ZNF260: variants seen among roughly 807,000 people sequenced by gnomAD.
ZNF260 encodes the protein zinc finger protein 260, also known as zfp-260.
A neutral mutation model predicts 29.3 loss-of-function variants in ZNF260; 21 were observed. That is an observed-to-expected ratio of 0.72 (90% CI 0.51 to 1.03). The LOEUF (loss-of-function observed/expected upper bound fraction) is 1.03. Among genes scored for constraint, ZNF260 ranks in the 50% least tolerant of loss-of-function variants. The pLI, the probability that ZNF260 is intolerant of heterozygous loss-of-function variation, is 0.00. For synonymous variants in ZNF260, 156 were observed against 156.8 expected (o/e 0.99, Z 0.04); for missense variants, 465 against 487.8 (o/e 0.95, Z 0.44).
chr19:36,523,779 T>G (rs1407065074), intron 2 of ZNF260, among the ~76,000 whole-genome samples: 1 of 151,956 alleles, frequency 6.6e-6, no homozygotes, highest in Non-Finnish European at 1.5e-5. Context: ...GGTTTCACCA[T>G]GTTGGTCAGG....
rs1202020180 is a variant in ZNF260 at position 36,512,876 on chromosome 19, C to T, written c.*1124G>A. On this transcript the variant is annotated 3_prime_UTR_variant, in exon 3 of 3. Coordinates refer to ENST00000523638, the MANE Select transcript of ZNF260 (RefSeq NM_001166037.2). ...TGAACTATACAGCTATAGACCAGTA[C>T]ATGACTCCCTGTGTTCATGTTTCTT... The T allele has an allele frequency of 1.3e-5, 2 of 152,146 alleles. No homozygotes were observed. The highest frequency in any genetic ancestry group is 6.5e-5 in the Admixed American group (1 of 15,268). The allele number at this position is 152,146 out of a possible 1,614,324, so 9.4% of individuals were successfully genotyped here.
In ZNF260 at chr19:36,528,231, A is replaced by C. The variant is rs1007227211; in HGVS notation, c.-693T>G. ...AAACCCAACTCACCGGCAGACAAAG[A>C]CGACCATGGCAAGTCGGAGATTCCG... On this transcript the variant is annotated 5_prime_UTR_variant, in exon 1 of 3. Coordinates refer to ENST00000523638, the MANE Select transcript of ZNF260 (RefSeq NM_001166037.2). 1.9e-5 allele frequency: 2 copies of C among 108,066 alleles called. No homozygotes were observed. The highest frequency in any genetic ancestry group is 3.1e-5 in the African/African-American group (1 of 32,620). 6.7% of individuals were successfully genotyped at this position (108,066 alleles called of 1,614,324 possible).
rs568147196 is a variant in ZNF260 at position 36,517,794 on chromosome 19, T to C, written c.-461-2095A>G. ...AGAGTCCGAGAATGCTGGTGGTTAC[T>C]AGCTGTCAGATGATGGAAGAATTAT... On this transcript the variant is annotated intron_variant, in intron 2 of 2. Coordinates refer to ENST00000523638, the MANE Select transcript of ZNF260 (RefSeq NM_001166037.2). Among the ~76,000 whole-genome samples, 49 of 152,218 alleles carry C rather than the reference T, an allele frequency of 3.2e-4. 2 individuals are homozygous for C. In the South Asian group the frequency reaches 3.9e-3, roughly 12 times the overall value.
At position 36,511,891 on chromosome 19, in the gene ZNF260, TA is replaced by T. The variant is rs2034457928; in HGVS notation, c.*2108del. ...AAAAGTGAAGCTGAAATCCAGGAGTTAATGTTTTCCTCAATGGCTTATAAAA... is the reference window on the plus strand; with the variant it reads ...AAAAGTGAAGCTGAAATCCAGGAGTTATGTTTTCCTCAATGGCTTATAAAA... On this transcript the variant is annotated 3_prime_UTR_variant, in exon 3 of 3. Transcript: ENST00000523638. 1 of 152,182 alleles carries T rather than the reference TA, an allele frequency of 6.6e-6. No individual in the cohort carries two copies. Among genetic ancestry groups the T allele is most frequent in the Non-Finnish European group, 1.5e-5 (1 of 68,046 alleles). The allele number at this position is 152,182 out of a possible 1,614,324, so 9.4% of individuals were successfully genotyped here.
chr19:36,523,813 T>C (rs997682635), intron 2 of ZNF260, among the ~76,000 whole-genome samples: 1 of 152,108 alleles, frequency 6.6e-6, no homozygotes, highest in Non-Finnish European at 1.5e-5. Flanking sequence ...CCTGACCTCA[T>C]GATCCACCTG....
intron 2 of ZNF260, among the ~76,000 whole-genome samples, chr19:36,523,641 G>C (rs1299980275): frequency 6.8e-6 from 1 of 146,278 alleles, no homozygotes; most frequent in African/African-American, 2.5e-5. Flanking sequence ...GCAGTGGCAT[G>C]ATCTCGGCTC....
intron 2 of ZNF260, among the ~76,000 whole-genome samples, chr19:36,517,789 G>A (rs767035471): frequency 1.3e-4 from 20 of 152,036 alleles, no homozygotes; most frequent in Non-Finnish European, 2.5e-4. Flanking sequence ...AATGCTGGTG[G>A]TTACTAGCTG....
rs2034485642 is a variant in ZNF260 at position 36,513,490 on chromosome 19, C to T, written c.*510G>A. 1 of 361,744 alleles carries T rather than the reference C, an allele frequency of 2.8e-6. No homozygotes were observed. Among genetic ancestry groups the T allele is most frequent in the South Asian group, 1.5e-4 (1 of 6,766 alleles). 22.4% of individuals were successfully genotyped at this position (361,744 alleles called of 1,614,324 possible). On this transcript the variant is annotated 3_prime_UTR_variant, in exon 3 of 3. Transcript: ENST00000523638. Reference sequence around the variant, plus strand: ...AGTAATCCATGATTTCCCCACCAATCTGGGATACCGCCTCTATCAATTACC... The same window carrying T: ...AGTAATCCATGATTTCCCCACCAATTTGGGATACCGCCTCTATCAATTACC...
At chr19:36,527,154 T>C (rs1600219891) in intron 1 of ZNF260, among the ~76,000 whole-genome samples, 1 of 152,166 alleles carries the variant, frequency 6.6e-6, no homozygotes, top group African/African-American at 2.4e-5. Flanking sequence ...TTATTAGTCA[T>C]CTGTATTAGA....
rs866047031 is a variant in ZNF260, at chr19:36,514,157, C to T, written c.1082G>A (p.Gly361Asp). The change falls in exon 3 of 3, where the codon GGT (glycine) becomes GAT (aspartate). Residue 361 changes from glycine to aspartate, a missense_variant. Transcript: ENST00000523638. ...MRSHTGEKPY[G>D]CNECGKAFSQ... is the part of the protein sequence containing the mutation. ...AAAGGCTTTCCCACATTCATTACAA[C>T]CATAGGGTTTCTCACCTGTATGGCT... The T allele has an allele frequency of 6.2e-7, 1 of 1,613,796 alleles. No homozygotes were observed. Among genetic ancestry groups the T allele is most frequent in the Admixed American group, 1.7e-5 (1 of 60,000 alleles).
Position 36,524,517 on chromosome 19 carries a change from GT to G in ZNF260, c.-462+637del, listed in dbSNP as rs61184857. ...TTTAAAGAAAATAACTTACATGCTAGTTTTTTTTTTTTTTTTTATTGATCAT... is the reference window on the plus strand; with the variant it reads ...TTTAAAGAAAATAACTTACATGCTAGTTTTTTTTTTTTTTTTATTGATCAT... On this transcript the variant is annotated intron_variant, in intron 2 of 2. Coordinates refer to ENST00000523638, the MANE Select transcript of ZNF260 (RefSeq NM_001166037.2). 1.7e-3 allele frequency among the ~76,000 whole-genome samples: 159 copies of G among 90,964 alleles called. 4 individuals are homozygous for G. Among genetic ancestry groups the G allele is most frequent in the East Asian group, 0.011 (49 of 4,374 alleles). The allele number at this position is 90,964 out of a possible 152,430, so 59.7% of individuals were successfully genotyped here. A position where few individuals can be genotyped will look rare whatever the true frequency, so the allele number is the denominator to read the frequency against.
rs957170709 is a variant in ZNF260, at chr19:36,513,342, G to A, written c.*658C>T. The A allele has an allele frequency of 1.0e-4, 16 of 155,678 alleles. No homozygotes were observed. Among genetic ancestry groups the A allele is most frequent in the African/African-American group, 3.6e-4 (15 of 41,572 alleles). 9.6% of individuals were successfully genotyped at this position (155,678 alleles called of 1,614,324 possible). On this transcript the variant is annotated 3_prime_UTR_variant, in exon 3 of 3. Transcript: ENST00000523638. Reference sequence around the variant, plus strand: ...TTTAAAAACATCTTCTTATAAAACTGTTATATTATTAAGTATTGCTTTTTG... The same window carrying A: ...TTTAAAAACATCTTCTTATAAAACTATTATATTATTAAGTATTGCTTTTTG...
chr19:36,526,265 G>T (rs1348622758), intron 1 of ZNF260, among the ~76,000 whole-genome samples: 1 of 152,146 alleles, frequency 6.6e-6, no homozygotes, highest in Non-Finnish European at 1.5e-5. Context: ...ATAAAGCCAG[G>T]CATGGTGGCT....
In ZNF260 at chr19:36,514,088, C is replaced by G. The variant is rs144667068; in HGVS notation, c.1151G>C (p.Gly384Ala). The change falls in exon 3 of 3, where the codon GGT becomes GCT. Residue 384 changes from glycine (G) to alanine (A), a missense_variant. Coordinates refer to ENST00000523638, the MANE Select transcript of ZNF260 (RefSeq NM_001166037.2). ...TLALHMRIHT[G>A]EKPYQCSECG... The stretch of plus-strand genomic sequence containing the variant: ...TTCACTACACTGATAAGGTTTTTCA[C>G]CAGTATGGATTCTCATGTGCAGAGC... 6 of 1,613,930 alleles carry G rather than the reference C, an allele frequency of 3.7e-6. No homozygotes were observed. The highest frequency in any genetic ancestry group is 3.3e-4 in the Middle Eastern group (2 of 6,084).
At position 36,514,205 on chromosome 19, in the gene ZNF260, G is replaced by A. The variant is rs1242106371; in HGVS notation, c.1034C>T (p.Ser345Leu). 4 of 1,613,990 alleles carry A rather than the reference G, an allele frequency of 2.5e-6. No individual in the cohort carries two copies. Among genetic ancestry groups the A allele is most frequent in the African/African-American group, 2.7e-5 (2 of 74,910 alleles). ...GCTTCTCATATGCACAGTAAGAGATGAGCTTTGACAGAAGGCTTTCCCACA... is the reference window on the plus strand; with the variant it reads ...GCTTCTCATATGCACAGTAAGAGATAAGCTTTGACAGAAGGCTTTCCCACA... ...KVCGKAFCQS[S>L]SLTVHMRSHT... Residue 345 changes from serine to leucine, a missense_variant, in exon 3 of 3, where the codon TCA (serine) becomes TTA (leucine). Physicochemically the swap from Ser to Leu is moderately radical, Grantham distance 145. Coordinates refer to ENST00000523638, the MANE Select transcript of ZNF260 (RefSeq NM_001166037.2).
At chr19:36,516,492 A>C (rs1219088403) in intron 2 of ZNF260, among the ~76,000 whole-genome samples, 3 of 152,172 alleles carry the variant, frequency 2.0e-5, no homozygotes, top group Non-Finnish European at 4.4e-5. Flanking sequence ...GAGGAGATTG[A>C]GGTGGGCAGA....
rs767578456 is a variant in ZNF260, at chr19:36,514,619, A to G, written c.620T>C (p.Leu207Pro). The G allele has an allele frequency of 6.2e-7, 1 of 1,614,064 alleles. No individual in the cohort carries two copies. The highest frequency in any genetic ancestry group is 1.7e-5 in the Admixed American group (1 of 60,006). ...AGTATGGATTCTCTGATGTATAATG[A>G]GGTTTTCCTTCTGGCTAAAAGCTTT... ...CGKAFSQKEN[L>P]IIHQRIHTGE... is the part of the protein sequence containing the mutation. Residue 207 changes from leucine to proline, a missense_variant, in exon 3 of 3, where the codon CTC becomes CCC. Transcript: ENST00000523638.
In ZNF260 at chr19:36,514,343, G is replaced by A. The variant is rs1568549395; in HGVS notation, c.896C>T (p.Thr299Ile). ...ATTACATTCATAGGGTTTCTCTCCT[G>A]TATGAATATTGTGATGTTTAATGAG... ...QYLIKHHNIH[T>I]GEKPYECNKC... The change falls in exon 3 of 3, where the codon ACA becomes ATA. Residue 299 changes from threonine to isoleucine, a missense_variant. Physicochemically the swap from Thr to Ile is moderately conservative, Grantham distance 89. Transcript: ENST00000523638. 1 of 1,614,084 alleles carries A rather than the reference G, an allele frequency of 6.2e-7. No homozygotes were observed. The highest frequency in any genetic ancestry group is 8.5e-7 in the Non-Finnish European group (1 of 1,179,990).
At chr19:36,526,151 A>T (rs1053199182) in intron 1 of ZNF260, among the ~76,000 whole-genome samples, 1 of 152,210 alleles carries the variant, frequency 6.6e-6, no homozygotes. Context: ...AAATATAGTA[A>T]GTGTCCTATA....
Sources: gnomAD v4.1 joint callset for allele counts (sites outside exome capture counted in the v4.1 genomes callset) on GRCh38, gnomAD v4.1.1 for gene constraint, MANE v1.5 for transcripts, NCBI Gene and HGNC (gene_info 2026-07-23, HGNC 2026-07-21) for gene names.